DYNC1I1: variants seen among roughly 807,000 people sequenced by gnomAD.
DYNC1I1 encodes dynein cytoplasmic 1 intermediate chain 1, also known as cytoplasmic dynein 1 intermediate chain 1.
Under a neutral mutation model 86.6 loss-of-function variants are expected in DYNC1I1, and 43 were observed. The ratio of observed to expected loss-of-function variants is 0.50; its 90% CI spans 0.39 to 0.64. The LOEUF is 0.64. DYNC1I1 is among the 30% of genes least tolerant of loss of function. The pLI is 0.00. For synonymous variants in DYNC1I1, 262 were observed against 283.7 expected (o/e 0.92, Z 0.77); for missense variants, 604 against 788.8 (o/e 0.77, Z 2.81).
At chr7:96,027,104 G>A (rs867370580) in intron 10 of DYNC1I1, among the ~76,000 whole-genome samples, 94 of 152,152 alleles carry the variant, frequency 6.2e-4, no homozygotes, top group African/African-American at 2.2e-3. Flanking sequence ...CAAAGGCACC[G>A]TATGGACTGG....
intron 5 of DYNC1I1, among the ~76,000 whole-genome samples, chr7:95,864,743 C>T (rs1168338204): frequency 6.6e-6 from 1 of 152,064 alleles, no homozygotes; most frequent in Non-Finnish European, 1.5e-5. Context: ...TCACCTTTTC[C>T]CTCATCTCTT....
At chr7:95,882,325 A>G (rs964289093) in intron 6 of DYNC1I1, among the ~76,000 whole-genome samples, 4 of 152,188 alleles carry the variant, frequency 2.6e-5, no homozygotes, top group Non-Finnish European at 4.4e-5. Context: ...GATCAAGACA[A>G]TGTTCTTGCC....
chr7:96,038,931 G>A (rs1788952659), intron 13 of DYNC1I1, among the ~76,000 whole-genome samples: 1 of 152,100 alleles, frequency 6.6e-6, no homozygotes, highest in Non-Finnish European at 1.5e-5. Flanking sequence ...AAATATAAAA[G>A]CTTCAGAGAC....
chr7:96,084,619 C>G (rs184907277), intron 16 of DYNC1I1, among the ~76,000 whole-genome samples: 77 of 152,038 alleles, frequency 5.1e-4, no homozygotes, highest in African/African-American at 1.8e-3. Flanking sequence ...GACAGGATTT[C>G]GCCATGTTGG....
chr7:95,956,071 A>G (rs1226986102), intron 6 of DYNC1I1, among the ~76,000 whole-genome samples: 1 of 152,194 alleles, frequency 6.6e-6, no homozygotes, highest in Non-Finnish European at 1.5e-5. Flanking sequence ...GCTTTACTGT[A>G]TCTCCATACA....
chr7:96,063,904 G>A lies in DYNC1I1; in HGVS notation c.1510-12153G>A, dbSNP rs200429323. Among the ~76,000 whole-genome samples, 13 of 152,204 alleles carry A rather than the reference G, an allele frequency of 8.5e-5. No homozygotes were observed. The East Asian group carries it at 1.9e-3, about 23-fold the overall frequency. ...CACCTCCTAATCCTTATATTGAAGG[G>A]CTCCAGTCTCTCCAAGGCTGAATCC... On this transcript the variant is annotated intron_variant, in intron 14 of 16. Coordinates refer to ENST00000447467, the MANE Select transcript of DYNC1I1 (RefSeq NM_001135556.2).
rs150734619 is a variant in DYNC1I1, at chr7:96,020,210, T to A, written c.970-7965T>A. 3.2e-3 allele frequency among the ~76,000 whole-genome samples: 485 copies of A among 152,122 alleles called. 3 individuals carry two copies. The highest frequency in any genetic ancestry group is 0.01 in the Middle Eastern group (3 of 294). On this transcript the variant is annotated intron_variant, in intron 10 of 16. Coordinates refer to ENST00000447467, the MANE Select transcript of DYNC1I1 (RefSeq NM_001135556.2). ...AATGGTGCGGCTGCTTGCATTAGTC[T>A]GTTTTCACACTGTTGATAAAAACAT... is the stretch of plus-strand genomic sequence containing the variant.
chr7:95,961,214 C>G (rs986412878), intron 6 of DYNC1I1, among the ~76,000 whole-genome samples: 4 of 152,242 alleles, frequency 2.6e-5, no homozygotes, highest in African/African-American at 9.6e-5. Context: ...ACTACCACAG[C>G]ATGGGTAGTG....
Position 96,097,540 on chromosome 7 carries a change from C to T in DYNC1I1, c.1834C>T (p.Arg612Cys). 1.2e-6 allele frequency: 2 copies of T among 1,613,772 alleles called. No individual in the cohort carries two copies. Among genetic ancestry groups the T allele is most frequent in the Non-Finnish European group, 1.7e-6 (2 of 1,179,760 alleles). Residue 612 changes from arginine (R) to cysteine (C), a missense_variant, in exon 17 of 17, where the codon CGT becomes TGT. By Grantham distance (180) the Arg-to-Cys change is radical. Transcript: ENST00000447467. The stretch of plus-strand genomic sequence containing the variant: ...ATTTGCCAGGACCCTTGTGGAAATT[C>T]GTGCTAACAGAGCTGATAGCGAGGA... ...TRFARTLVEI[R>C]ANRADSEEEG...
chr7:95,860,451 T>C lies in DYNC1I1; in HGVS notation c.375-9432T>C, dbSNP rs183363831. On this transcript the variant is annotated intron_variant, in intron 5 of 16. Transcript: ENST00000447467. ...GGAAAATCTATGGCAGCATCTTTAA[T>C]GTATCTGACGATGAAATATCGTGAT... is the stretch of plus-strand genomic sequence containing the variant. 6.5e-4 allele frequency among the ~76,000 whole-genome samples: 99 copies of C among 152,326 alleles called. 1 individual carries two copies. In the East Asian group the frequency reaches 0.012, roughly 19 times the overall value.
chr7:95,898,248 TG>T (rs1355599369), intron 6 of DYNC1I1, among the ~76,000 whole-genome samples: 1 of 152,220 alleles, frequency 6.6e-6, no homozygotes, highest in Non-Finnish European at 1.5e-5. Flanking sequence ...GGCCACCTGC[TG>T]GGGCCTCTGG....
At chr7:95,968,947 G>A (rs111859268) in intron 6 of DYNC1I1, among the ~76,000 whole-genome samples, 4,851 of 151,378 alleles carry the variant, frequency 0.032, 212 homozygotes, top group African/African-American at 0.098. Flanking sequence ...TGTCTTACAC[G>A]CCTCAAGGAG....
downstream of DYNC1I1, among the ~76,000 whole-genome samples, chr7:96,100,644 A>G (rs535681941): frequency 2.3e-5 from 2 of 88,504 alleles, no homozygotes; most frequent in African/African-American, 9.3e-5. Flanking sequence ...ATTGACTTTG[A>G]GGGTTTTGTG....
intron 5 of DYNC1I1, among the ~76,000 whole-genome samples, chr7:95,843,666 C>A (rs1400973964): frequency 2.6e-5 from 4 of 151,602 alleles, no homozygotes; most frequent in Non-Finnish European, 4.4e-5. Context: ...AAGCAAATGG[C>A]AGCAGAGAGA....
At chr7:96,048,615 C>A (rs1363855449) in intron 14 of DYNC1I1, among the ~76,000 whole-genome samples, 1 of 152,174 alleles carries the variant, frequency 6.6e-6, no homozygotes, top group East Asian at 1.9e-4. Context: ...CCGTAAAGTT[C>A]TATTTCAAAC....
chr7:95,828,603 C>T (rs1795254252), intron 5 of DYNC1I1, among the ~76,000 whole-genome samples: 4 of 151,700 alleles, frequency 2.6e-5, no homozygotes, highest in Admixed American at 2.6e-4. Context: ...GTTAAAGATT[C>T]CTGTTTAAAA....
At chr7:96,055,795 T>G (rs1019492550) in intron 14 of DYNC1I1, 1 of 152,138 alleles carries the variant, frequency 6.6e-6, no homozygotes, top group African/African-American at 2.4e-5. Context: ...TCCCATAAAT[T>G]CTAGGGAACC....
intron 7 of DYNC1I1, among the ~76,000 whole-genome samples, chr7:95,978,291 T>C (rs1236347205): frequency 6.6e-6 from 1 of 152,206 alleles, no homozygotes; most frequent in East Asian, 1.9e-4. Flanking sequence ...AGCCAAGATT[T>C]AGAGTTAAAT....
rs116598454 is a variant in DYNC1I1, at chr7:96,086,272, G to T, written c.1776+5784G>T. On this transcript the variant is annotated intron_variant, in intron 16 of 16. Transcript: ENST00000447467. The stretch of plus-strand genomic sequence containing the variant: ...GCTGTTTGCAGCTCCAGTTTTGAAA[G>T]AAGCAGTTTATCTTCCACCTCCTAT... Among the ~76,000 whole-genome samples the T allele has an allele frequency of 5.4e-3, 827 of 152,310 alleles. 7 individuals are homozygous for T. The highest frequency in any genetic ancestry group is 0.019 in the African/African-American group (789 of 41,582).
Sources: gnomAD v4.1 joint callset for allele counts (sites outside exome capture counted in the v4.1 genomes callset) on GRCh38, gnomAD v4.1.1 for gene constraint, MANE v1.5 for transcripts, NCBI Gene and HGNC (gene_info 2026-07-23, HGNC 2026-07-21) for gene names.